TRPV1: variants seen among roughly 807,000 people sequenced by gnomAD.
TRPV1 encodes transient receptor potential cation channel subfamily V member 1, also known as OTRPC1.
A neutral mutation model predicts 82.3 loss-of-function variants in TRPV1; 82 were observed. The ratio of observed to expected loss-of-function variants is 1.00; its 90% CI spans 0.83 to 1.20. The LOEUF (loss-of-function observed/expected upper bound fraction) is 1.20. TRPV1 is among the 50% of genes most tolerant of loss of function. TRPV1 has a pLI of 0.00. For missense variants in TRPV1, 1,067 were observed against 1,096.8 expected, an observed-to-expected ratio of 0.97 and a Z score of 0.38; for synonymous variants, 515 against 467.7, an observed-to-expected ratio of 1.10 and a Z score of -1.30.
intron 16 of TRPV1, 35 bp from the exon 17 acceptor site, chr17:3,567,022 C>G: frequency 1.9e-6 from 3 of 1,605,422 alleles, no homozygotes; most frequent in Non-Finnish European, 2.6e-6. Context: ...TTGGATGCAA[C>G]AAAACAAACA....
intron 2 of TRPV1, among the ~76,000 whole-genome samples, chr17:3,594,042 C>T (rs1003376912): frequency 1.4e-5 from 2 of 148,076 alleles, no homozygotes; most frequent in South Asian, 2.2e-4. Flanking sequence ...GCAGGAGAAT[C>T]GCTTGAACCC....
Position 3,584,076 on chromosome 17 carries a change from G to GCCC in TRPV1, c.1384-647_1384-646insGGG, listed in dbSNP as rs2075053267. Among the ~76,000 whole-genome samples the GCCC allele has an allele frequency of 2.0e-5, 3 of 152,052 alleles. 1 individual carries two copies. In the South Asian group the frequency reaches 6.2e-4, roughly 32 times the overall value. ...ACCTGAGGTCGAGAGTTCGAGACCA[G>GCCC]CCTGACCAACATGGAGAAACCCCAT... On this transcript the variant is annotated intron_variant, in intron 9 of 16. Transcript: ENST00000572705.
At chr17:3,577,504 C>G (rs939808011) in intron 12 of TRPV1, 94 bp downstream of exon 12, 7 of 1,434,650 alleles carry the variant, frequency 4.9e-6, no homozygotes, top group African/African-American at 4.2e-5. Context: ...TTCCCAGGCA[C>G]GACAGAGAGG....
intron 16 of TRPV1, among the ~76,000 whole-genome samples, chr17:3,568,185 A>T (rs552329874): frequency 4.6e-5 from 7 of 151,544 alleles, no homozygotes; most frequent in Non-Finnish European, 7.4e-5. Flanking sequence ...AGCCGGGCGT[A>T]GTGGCGGGCG....
intron 1 of TRPV1, chr17:3,608,828 A>G (rs2075317639): frequency 6.6e-6 from 1 of 152,196 alleles, no homozygotes; most frequent in African/African-American, 2.4e-5. Flanking sequence ...CGGCTGTGCC[A>G]TTGCACAGTC....
intron 2 of TRPV1, among the ~76,000 whole-genome samples, chr17:3,593,110 GTGTGTGTGTGTGTGTGTGTGTGTGTGTC>G (rs1401020454): frequency 0.19 from 22,921 of 121,410 alleles, 5,811 homozygotes; most frequent in African/African-American, 0.56. Flanking sequence ...GTGTGTGTGT[GTGTGTGTGTGTGTGTGTGTGTGTGTGTC>G]TGTGTGTCTC....
At chr17:3,570,945 G>A (rs922964683) in intron 16 of TRPV1, among the ~76,000 whole-genome samples, 2 of 152,038 alleles carry the variant, frequency 1.3e-5, no homozygotes, top group Non-Finnish European at 2.9e-5. Flanking sequence ...TCAAACTCCC[G>A]GCCTCAGGTG....
At chr17:3,598,364 C>A (rs1165528514) in intron 2 of TRPV1, among the ~76,000 whole-genome samples, 1 of 152,140 alleles carries the variant, frequency 6.6e-6, no homozygotes, top group African/African-American at 2.4e-5. Flanking sequence ...TTTCCCAAAC[C>A]CGCTCTCGCA....
intron 2 of TRPV1, among the ~76,000 whole-genome samples, chr17:3,598,234 C>A (rs560148352): frequency 6.6e-6 from 1 of 152,232 alleles, no homozygotes; most frequent in African/African-American, 2.4e-5. Context: ...CTGGAATAAG[C>A]AGCCACTGCC....
rs753896487 is a variant in TRPV1, at chr17:3,591,287, A to G, written c.351T>C (p.Ser117=). ...EKTLRLYDRR[S]IFEAVAQNNC... is the part of the protein sequence containing the mutation. Reference sequence around the variant, plus strand: ...TATTCTGAGCAACGGCTTCAAAGATACTCCTGCGATCATAGAGCCTGAGGG... The same window carrying G: ...TATTCTGAGCAACGGCTTCAAAGATGCTCCTGCGATCATAGAGCCTGAGGG... Residue 117 remains serine (S), a synonymous_variant, in exon 4 of 17, where the codon AGT becomes AGC. Coordinates refer to ENST00000572705, the MANE Select transcript of TRPV1 (RefSeq NM_080704.4). 3 of 1,610,974 alleles carry G rather than the reference A, an allele frequency of 1.9e-6. No homozygotes were observed. The highest frequency in any genetic ancestry group is 4.5e-5 in the East Asian group (2 of 44,714).
intron 8 of TRPV1, 50 bp downstream of exon 8, chr17:3,588,138 T>C (rs2075106674): frequency 1.3e-6 from 2 of 1,528,206 alleles, no homozygotes; most frequent in South Asian, 2.4e-5. Flanking sequence ...GGATTGGGGC[T>C]TGGGTGCAGA....
chr17:3,601,605 C>CT (rs541864141), intron 2 of TRPV1, among the ~76,000 whole-genome samples: 1,490 of 148,322 alleles, frequency 0.01, 15 homozygotes, highest in South Asian at 0.041. Context: ...CATTTCTCAC[C>CT]TTTTTTTTTT....
intron 2 of TRPV1, among the ~76,000 whole-genome samples, chr17:3,596,268 G>A (rs1169169479): frequency 2.7e-5 from 4 of 149,560 alleles, no homozygotes; most frequent in Non-Finnish European, 5.9e-5. Flanking sequence ...ATGGGGTGTG[G>A]CTCCCCTGCT....
intron 2 of TRPV1, among the ~76,000 whole-genome samples, chr17:3,606,926 G>C (rs2075299363): frequency 6.6e-6 from 1 of 152,184 alleles, no homozygotes; most frequent in Non-Finnish European, 1.5e-5. Context: ...CTGCCACTCT[G>C]AGATTAGACG....
At chr17:3,579,819 C>T (rs1567663091) in intron 11 of TRPV1, among the ~76,000 whole-genome samples, 1 of 152,208 alleles carries the variant, frequency 6.6e-6, no homozygotes, top group Non-Finnish European at 1.5e-5. Context: ...TCTGCTTCCT[C>T]CTAAAGCGGT....
At chr17:3,598,682 T>C (rs167739) in intron 2 of TRPV1, among the ~76,000 whole-genome samples, 128,335 of 150,462 alleles carry the variant, frequency 0.85, 54,964 homozygotes, top group East Asian at 1. Flanking sequence ...TCTCCGGCCT[T>C]AGCCTCCCAA....
intron 2 of TRPV1, among the ~76,000 whole-genome samples, chr17:3,600,526 T>C (rs558186972): frequency 1.3e-5 from 2 of 152,142 alleles, no homozygotes; most frequent in African/African-American, 4.8e-5. Flanking sequence ...GAGGCAGAGG[T>C]TGCAGTGAGC....
At chr17:3,585,730 C>T in intron 9 of TRPV1, 38 bp downstream of exon 9, 1 of 1,597,110 alleles carries the variant, frequency 6.3e-7, no homozygotes, top group East Asian at 2.3e-5. Flanking sequence ...CCCCACCACC[C>T]ACACCCTCGC....
chr17:3,573,868 G>T lies in TRPV1; in HGVS notation c.1868C>A (p.Pro623His). The change falls in exon 14 of 17, where the codon CCC (proline) becomes CAC (histidine). Residue 623 changes from proline (P) to histidine (H), a missense_variant. By Grantham distance (77) the Pro-to-His change is moderately conservative. Coordinates refer to ENST00000572705, the MANE Select transcript of TRPV1 (RefSeq NM_080704.4). ...SHRWRGPACR[P>H]PDSSYNSLYS... ...CAGGCTGTTGTAGGAGCTATCGGGG[G>T]GCCTGCAGGCAGGCCCCCGCCACCT... is the stretch of plus-strand genomic sequence containing the variant. The T allele has an allele frequency of 1.2e-6, 2 of 1,611,930 alleles. No individual in the cohort carries two copies. The highest frequency in any genetic ancestry group is 1.7e-6 in the Non-Finnish European group (2 of 1,179,468).
Sources: allele counts gnomAD v4.1 joint callset (sites outside exome capture counted in the v4.1 genomes callset), GRCh38; gene constraint gnomAD v4.1.1; transcripts MANE v1.5; gene names NCBI Gene and HGNC (gene_info 2026-07-23, HGNC 2026-07-21).